The following ALMS1 variants were observed in gnomAD, a reference collection of about 807,000 sequenced individuals.
The protein encoded by ALMS1 is ALMS1 centrosome and basal body associated protein.
Under a neutral mutation model 352.2 loss-of-function variants are expected in ALMS1, and 271 were observed. The observed-to-expected ratio is 0.77, with a 90% CI of 0.70 to 0.85. ALMS1 has a LOEUF of 0.85. Ranked by LOEUF, ALMS1 falls within the 40% of genes least tolerant of loss-of-function variation. ALMS1 has a pLI of 0.00. For missense variants in ALMS1, 5,445 were observed against 4,870.7 expected (o/e 1.12, Z -3.51); for synonymous variants, 1,865 against 1,761.2 (o/e 1.06, Z -1.48).
intron 12 of ALMS1, among the ~76,000 whole-genome samples, chr2:73,537,549 G>T (rs1674056694): frequency 6.6e-6 from 1 of 152,198 alleles, no homozygotes; most frequent in Non-Finnish European, 1.5e-5. Context: ...TCAGGCATTA[G>T]CTGACCATTA....
intron 9 of ALMS1, among the ~76,000 whole-genome samples, chr2:73,479,692 A>G (rs1012552787): frequency 2.0e-5 from 3 of 152,128 alleles, no homozygotes; most frequent in South Asian, 2.1e-4. Flanking sequence ...TTCATATGCA[A>G]GTTTTTGTGT....
chr2:73,597,658 A>G (rs1243835489), intron 16 of ALMS1, among the ~76,000 whole-genome samples: 2 of 152,212 alleles, frequency 1.3e-5, no homozygotes, highest in Non-Finnish European at 2.9e-5. Flanking sequence ...TCTAAAATGC[A>G]GATTTCGTTT....
At chr2:73,474,506 G>T (rs998677979) in intron 9 of ALMS1, among the ~76,000 whole-genome samples, 5 of 151,676 alleles carry the variant, frequency 3.3e-5, no homozygotes, top group African/African-American at 1.2e-4. Context: ...ACAGGGTCTT[G>T]CTCAGTCACC....
chr2:73,581,251 A>G (rs1439585289), intron 16 of ALMS1, among the ~76,000 whole-genome samples: 1 of 152,184 alleles, frequency 6.6e-6, no homozygotes, highest in African/African-American at 2.4e-5. Flanking sequence ...CAGTATTTTC[A>G]AGGAACATTC....
rs188172095 is a variant in ALMS1, at chr2:73,599,463, A to G, written c.11610A>G (p.Ser3870=). 6.8e-5 allele frequency: 110 copies of G among 1,613,658 alleles called. No individual in the cohort carries two copies. The East Asian group carries it at 9.8e-4, about 14-fold the overall frequency. Reference sequence around the variant, plus strand: ...CTTCTGCCAGTAGTTTCCTGAGCTCAAACTCTACTTTTTGCAACAAGCAGA... The same window carrying G: ...CTTCTGCCAGTAGTTTCCTGAGCTCGAACTCTACTTTTTGCAACAAGCAGA... ...ISSSASSFLS[S]NSTFCNKQNV... Residue 3870 remains serine (S), a synonymous_variant, in exon 17 of 23, where the codon TCA becomes TCG. Transcript: ENST00000613296.
At chr2:73,524,599 C>A (rs889180389) in intron 11 of ALMS1, among the ~76,000 whole-genome samples, 2 of 152,006 alleles carry the variant, frequency 1.3e-5, no homozygotes, top group African/African-American at 4.8e-5. Flanking sequence ...ATTACAGGCA[C>A]CCGCCACCAC....
chr2:73,564,007 A>C (rs1198457089), intron 15 of ALMS1, among the ~76,000 whole-genome samples: 2 of 151,926 alleles, frequency 1.3e-5, no homozygotes, highest in Non-Finnish European at 2.9e-5. Context: ...CCTGGGAATA[A>C]TACAAGTAAT....
rs754031448 is a variant in ALMS1, at chr2:73,601,270, C to G, written c.11948C>G (p.Pro3983Arg). ...GAAAACGTGCCTAACACTTGTGGCC[C>G]TGGCATCTCCTGGTTTGAACCAATA... ...KKENVPNTCG[P>R]GISWFEPITK... Residue 3983 changes from proline (P) to arginine (R), a missense_variant, in exon 19 of 23, where the codon CCT (proline) becomes CGT (arginine). Coordinates refer to ENST00000613296, the MANE Select transcript of ALMS1 (RefSeq NM_001378454.1). 4.3e-6 allele frequency: 7 copies of G among 1,614,118 alleles called. No homozygotes were observed. Among genetic ancestry groups the G allele is most frequent in the African/African-American group, 1.3e-5 (1 of 74,938 alleles).
In ALMS1 at chr2:73,550,327, A is replaced by C. The variant is rs1573013147; in HGVS notation, c.9968A>C (p.Asp3323Ala). The change falls in exon 13 of 23, where the codon GAC (aspartate) becomes GCC (alanine). Residue 3323 changes from aspartate to alanine, a missense_variant. Asp to Ala is a moderately radical substitution (Grantham distance 126). Coordinates refer to ENST00000613296, the MANE Select transcript of ALMS1 (RefSeq NM_001378454.1). ...PAQVLGTRDDDLSATVNIKHK... is the reference protein window; with the variant it reads ...PAQVLGTRDDALSATVNIKHK... ...CAGGTGCTAGGCACAAGAGATGATG[A>C]CCTCTCAGCCACTGTTAACATTAAA... The C allele has an allele frequency of 6.2e-7, 1 of 1,614,132 alleles. No homozygotes were observed. The highest frequency in any genetic ancestry group is 8.5e-7 in the Non-Finnish European group (1 of 1,180,012).
intron 10 of ALMS1, among the ~76,000 whole-genome samples, chr2:73,517,364 C>T (rs529885509): frequency 2.7e-5 from 4 of 150,732 alleles, no homozygotes; most frequent in African/African-American, 9.8e-5. Flanking sequence ...AGCAGTCCTC[C>T]TGCCTCAGCC....
intron 16 of ALMS1, among the ~76,000 whole-genome samples, chr2:73,590,677 CTTTTTTT>C (rs35264211): frequency 1.8e-5 from 2 of 108,440 alleles, no homozygotes; most frequent in Non-Finnish European, 3.8e-5. Flanking sequence ...TGTTTTATTA[CTTTTTTT>C]TTTTTTTTTT....
rs1395379184 is a variant in ALMS1, at chr2:73,449,929, T to TA, written c.3402_3403insA (p.Gly1135ArgfsTer14). On this transcript the variant is annotated frameshift_variant, in exon 8 of 23. Coordinates refer to ENST00000613296, the MANE Select transcript of ALMS1 (RefSeq NM_001378454.1). LOFTEE classifies it high-confidence loss of function. ...CTCCTGGACTAGCAGACCAGAAGAC[T>TA]GGCACACCAACTGTAACCTCAACTT... is the stretch of plus-strand genomic sequence containing the variant. 6.2e-7 allele frequency: 1 copy of TA among 1,613,816 alleles called. No homozygotes were observed. The highest frequency in any genetic ancestry group is 8.5e-7 in the Non-Finnish European group (1 of 1,179,978).
intron 9 of ALMS1, 116 bp downstream of exon 9, chr2:73,455,411 T>C: frequency 1.4e-6 from 2 of 1,401,174 alleles, no homozygotes; most frequent in South Asian, 2.5e-5. Flanking sequence ...AAGCCTTTTT[T>C]GGTTTTGTTT....
intron 1 of ALMS1, among the ~76,000 whole-genome samples, chr2:73,399,960 CAG>C (rs1670840891): frequency 1.6e-5 from 2 of 123,780 alleles, no homozygotes; most frequent in Non-Finnish European, 3.2e-5. Flanking sequence ...TTTTTTGAGA[CAG>C]GGTCTGGCGT....
At chr2:73,430,139 C>T (rs1228799449) in intron 6 of ALMS1, among the ~76,000 whole-genome samples, 2 of 147,708 alleles carry the variant, frequency 1.4e-5, no homozygotes, top group East Asian at 2.0e-4. Flanking sequence ...TGCAGTGGTG[C>T]GGTCTCAGCT....
chr2:73,607,386 C>T (rs1277791148), intron 21 of ALMS1, among the ~76,000 whole-genome samples: 1 of 152,134 alleles, frequency 6.6e-6, no homozygotes, highest in Non-Finnish European at 1.5e-5. Flanking sequence ...ATCAAATGCA[C>T]ATTTGTGTTT....
Position 73,491,224 on chromosome 2 carries a change from A to T in ALMS1, c.9265A>T (p.Thr3089Ser). The change falls in exon 10 of 23, where the codon ACT (threonine) becomes TCT (serine). Residue 3089 changes from threonine to serine, a missense_variant. Transcript: ENST00000613296. Reference protein sequence around the residue: ...MNSEFNFDLHTVSSRSLEPTS... With the variant: ...MNSEFNFDLHSVSSRSLEPTS... ...TAGTGAGTTTAACTTTGACTTACAT[A>T]CTGTATCTTCGAGATCACTGGAACC... 1 of 1,614,144 alleles carries T rather than the reference A, an allele frequency of 6.2e-7. No homozygotes were observed. The highest frequency in any genetic ancestry group is 8.5e-7 in the Non-Finnish European group (1 of 1,180,002).
intron 6 of ALMS1, among the ~76,000 whole-genome samples, chr2:73,429,108 C>G (rs913222389): frequency 1.3e-5 from 2 of 152,052 alleles, no homozygotes; most frequent in African/African-American, 4.8e-5. Context: ...TAACCTTATA[C>G]ATCGTACTAT....
intron 10 of ALMS1, among the ~76,000 whole-genome samples, chr2:73,506,282 G>A (rs1020302573): frequency 1.3e-5 from 2 of 152,162 alleles, no homozygotes; most frequent in African/African-American, 4.8e-5. Flanking sequence ...CTCTTTTTTG[G>A]TTCCATATGA....
Sources: allele counts gnomAD v4.1 joint callset (sites outside exome capture counted in the v4.1 genomes callset), GRCh38; gene constraint gnomAD v4.1.1; transcripts MANE v1.5; gene names NCBI Gene and HGNC (gene_info 2026-07-23, HGNC 2026-07-21).